Variants in NEDD4 observed in about 807,000 individuals in gnomAD.
NEDD4 encodes the protein E3 ubiquitin-protein ligase NEDD4.
In NEDD4, 99 loss-of-function variants were observed where a neutral mutation model predicts 144.9. The ratio of observed to expected loss-of-function variants is 0.68; its 90% CI spans 0.58 to 0.81. The LOEUF (loss-of-function observed/expected upper bound fraction) is 0.81, where lower values mean the gene tolerates loss of function less well. Ranked by LOEUF, NEDD4 falls within the 30% of genes least tolerant of loss-of-function variation. The pLI is 0.00. For synonymous variants in NEDD4, 318 were observed against 350.6 expected, an observed-to-expected ratio of 0.91 and a Z score of 1.04; for missense variants, 985 against 1,065.9, an observed-to-expected ratio of 0.92 and a Z score of 1.06.
intron 4 of NEDD4, among the ~76,000 whole-genome samples, chr15:55,931,529 T>C (rs763191558): frequency 1.3e-5 from 2 of 152,006 alleles, no homozygotes; most frequent in Non-Finnish European, 2.9e-5. Flanking sequence ...AAAATAAAAA[T>C]ATCAGTGACA....
At chr15:55,863,807 T>C (rs2034492965) in intron 8 of NEDD4, among the ~76,000 whole-genome samples, 1 of 152,168 alleles carries the variant, frequency 6.6e-6, no homozygotes, top group African/African-American at 2.4e-5. Flanking sequence ...AATAACTATC[T>C]GACACATGGA....
intron 28 of NEDD4, 149 bp downstream of exon 28, chr15:55,830,365 G>GT (rs2032890617): frequency 1.4e-6 from 1 of 724,520 alleles, no homozygotes; most frequent in Admixed American, 2.5e-5. Context: ...CAAAACACCT[G>GT]TTCGTTGGGT....
At chr15:55,946,058 T>C (rs1455191733) in intron 4 of NEDD4, among the ~76,000 whole-genome samples, 1 of 152,116 alleles carries the variant, frequency 6.6e-6, no homozygotes, top group Non-Finnish European at 1.5e-5. Flanking sequence ...CCATGCCAAA[T>C]TATAAAGATC....
At chr15:55,991,957 C>T (rs1424179461) in intron 1 of NEDD4, 8 of 152,204 alleles carry the variant, frequency 5.3e-5, no homozygotes, top group African/African-American at 1.9e-4. Flanking sequence ...GATCAACTGG[C>T]TCTGCTGGAA....
chr15:55,889,153 GGGGAGACAGCCCATAGAT>G (rs2035484628), intron 5 of NEDD4, among the ~76,000 whole-genome samples: 2 of 152,104 alleles, frequency 1.3e-5, no homozygotes. Flanking sequence ...TCAACAAAGT[GGGGAGACAGCCCATAGAT>G]TGGAAGAAAA....
intron 22 of NEDD4, 73 bp from the exon 23 acceptor site, chr15:55,838,253 T>C: frequency 1.9e-6 from 2 of 1,044,000 alleles, no homozygotes; most frequent in Non-Finnish European, 2.8e-6. Flanking sequence ...ATTGTAGTTA[T>C]ACGAGAAACT....
chr15:55,966,953 T>A (rs1204282739), intron 1 of NEDD4, among the ~76,000 whole-genome samples: 2 of 152,196 alleles, frequency 1.3e-5, no homozygotes, highest in African/African-American at 4.8e-5. Context: ...AGTGGTGTGA[T>A]CCTGGCTCAC....
intron 7 of NEDD4, among the ~76,000 whole-genome samples, chr15:55,871,678 A>T (rs1039273073): frequency 6.6e-6 from 1 of 152,178 alleles, no homozygotes; most frequent in Non-Finnish European, 1.5e-5. Flanking sequence ...ACAGTAATTT[A>T]AAAAATCATT....
chr15:55,975,340 A>G (rs2037681982), intron 1 of NEDD4, among the ~76,000 whole-genome samples: 1 of 152,220 alleles, frequency 6.6e-6, no homozygotes, highest in Non-Finnish European at 1.5e-5. Flanking sequence ...TGGAAAAGCT[A>G]AAGACTCCAC....
chr15:55,918,024 C>A (rs1397957855), intron 5 of NEDD4, among the ~76,000 whole-genome samples: 1 of 152,092 alleles, frequency 6.6e-6, no homozygotes, highest in African/African-American at 2.4e-5. Context: ...CTGGCCCCTG[C>A]TGGTACTTTG....
At chr15:55,920,392 T>G (rs1475807778) in intron 5 of NEDD4, among the ~76,000 whole-genome samples, 1 of 152,146 alleles carries the variant, frequency 6.6e-6, no homozygotes, top group Non-Finnish European at 1.5e-5. Flanking sequence ...CAGGTGTATA[T>G]CTTAGACTGG....
intron 1 of NEDD4, among the ~76,000 whole-genome samples, chr15:55,977,413 C>G (rs1391715550): frequency 2.0e-5 from 3 of 152,188 alleles, no homozygotes; most frequent in Admixed American, 1.3e-4. Context: ...TAACTACACT[C>G]TATGACATTT....
chr15:55,885,298 A>G (rs2142102604), intron 5 of NEDD4, among the ~76,000 whole-genome samples: 1 of 152,300 alleles, frequency 6.6e-6, no homozygotes. Flanking sequence ...AAGAAATGCT[A>G]AAGGGAGTTC....
chr15:55,840,689 A>C lies in NEDD4; in HGVS notation c.1877T>G (p.Leu626Trp). 4 of 1,614,056 alleles carry C rather than the reference A, an allele frequency of 2.5e-6. No homozygotes were observed. The highest frequency in any genetic ancestry group is 3.4e-6 in the Non-Finnish European group (4 of 1,179,982). The change falls in exon 20 of 29, where the codon TTG becomes TGG. Residue 626 changes from leucine to tryptophan, a missense_variant. Coordinates refer to ENST00000435532, the MANE Select transcript of NEDD4 (RefSeq NM_006154.4). ...GTAAGAGAGGTGATCTTCGTTACAC[A>C]ATCCAGAGTTTGGATTTATCTGTAG... ...YTLQINPNSG[L>W]CNEDHLSYFK...
intron 5 of NEDD4, among the ~76,000 whole-genome samples, chr15:55,874,322 C>T (rs374097037): frequency 6.6e-6 from 1 of 152,106 alleles, no homozygotes; most frequent in Non-Finnish European, 1.5e-5. Context: ...GAAGGAACTA[C>T]ACTAGGTAAG....
At chr15:55,922,148 G>A (rs2036580304) in intron 5 of NEDD4, among the ~76,000 whole-genome samples, 1 of 152,132 alleles carries the variant, frequency 6.6e-6, no homozygotes. Flanking sequence ...CAATTTGTAA[G>A]AGCAAAATAC....
chr15:55,932,541 T>C (rs2142253867), intron 4 of NEDD4, among the ~76,000 whole-genome samples: 1 of 152,146 alleles, frequency 6.6e-6, no homozygotes, highest in South Asian at 2.1e-4. Flanking sequence ...AAGACTTAAA[T>C]GTTAGAGCTA....
intron 5 of NEDD4, among the ~76,000 whole-genome samples, chr15:55,922,535 G>C (rs1213434671): frequency 2.6e-5 from 4 of 152,052 alleles, no homozygotes; most frequent in Non-Finnish European, 4.4e-5. Context: ...ACTAATTTTT[G>C]TATTTTTATT....
intron 5 of NEDD4, among the ~76,000 whole-genome samples, chr15:55,907,812 A>G (rs2036147947): frequency 6.6e-6 from 1 of 152,182 alleles, no homozygotes. Context: ...TTGTCTGAAT[A>G]CCCTTAAAGA....
Sources: allele counts gnomAD v4.1 joint callset (sites outside exome capture counted in the v4.1 genomes callset), GRCh38; gene constraint gnomAD v4.1.1; transcripts MANE v1.5; gene names NCBI Gene and HGNC (gene_info 2026-07-23, HGNC 2026-07-21).